The following COL4A1 variants were observed in gnomAD, a reference collection of about 807,000 sequenced individuals.
COL4A1 encodes collagen type IV alpha 1 chain.
A neutral mutation model predicts 216.6 loss-of-function variants in COL4A1; 40 were observed. That is an observed-to-expected ratio of 0.18 (90% CI 0.14 to 0.24). COL4A1 has a LOEUF of 0.24. Among genes scored for constraint, COL4A1 ranks in the 10% least tolerant of loss-of-function variants. The probability of loss-of-function intolerance (pLI) is 1.00; values close to 1 mark genes in which losing one functional copy is unlikely to be tolerated. For missense variants in COL4A1, 1,628 were observed against 2,196.8 expected (o/e 0.74, Z 5.18); for synonymous variants, 839 against 810.7 (o/e 1.03, Z -0.59).
At chr13:110,281,750 T>A (rs560403317) in intron 1 of COL4A1, among the ~76,000 whole-genome samples, 4 of 152,250 alleles carry the variant, frequency 2.6e-5, no homozygotes, top group Non-Finnish European at 5.9e-5. Context: ...CTTCTTCTAA[T>A]GGTATGGCCG....
At chr13:110,244,232 T>A (rs1310500817) in intron 1 of COL4A1, among the ~76,000 whole-genome samples, 8 of 152,182 alleles carry the variant, frequency 5.3e-5, no homozygotes. Context: ...AACAATCACA[T>A]CTGGAGATAT....
rs1484410323 is a variant in COL4A1, at chr13:110,223,073, T to C, written c.145-9058A>G. ...AATGATGGATATTTTCTGGATAGCA[T>C]TTTCACATCCATTTTATAAATTGGG... is the stretch of plus-strand genomic sequence containing the variant. On this transcript the variant is annotated intron_variant, in intron 2 of 51. Transcript: ENST00000375820. 2.6e-5 allele frequency among the ~76,000 whole-genome samples: 4 copies of C among 152,258 alleles called. No homozygotes were observed. In the East Asian group the frequency reaches 5.8e-4, roughly 22 times the overall value.
intron 21 of COL4A1, among the ~76,000 whole-genome samples, chr13:110,197,248 T>C (rs1449619612): frequency 1.5e-5 from 2 of 130,744 alleles, no homozygotes; most frequent in Admixed American, 1.7e-4. Context: ...CTCTCCTGCT[T>C]AAGTTTATCC....
At chr13:110,169,315 A>G (rs1877494118) in intron 43 of COL4A1, among the ~76,000 whole-genome samples, 1 of 152,168 alleles carries the variant, frequency 6.6e-6, no homozygotes, top group Non-Finnish European at 1.5e-5. Flanking sequence ...GAGTTTGTAA[A>G]TAGGTCTTAA....
chr13:110,228,036 A>G (rs1880825059), intron 2 of COL4A1, among the ~76,000 whole-genome samples: 1 of 152,160 alleles, frequency 6.6e-6, no homozygotes, highest in African/African-American at 2.4e-5. Context: ...CTCGCTGGGC[A>G]AGAGGTGCCC....
At chr13:110,250,622 A>T (rs1309854395) in intron 1 of COL4A1, among the ~76,000 whole-genome samples, 1 of 152,132 alleles carries the variant, frequency 6.6e-6, no homozygotes, top group African/African-American at 2.4e-5. Context: ...CTGCAAGCAG[A>T]TGTGAGTATG....
chr13:110,269,206 A>G lies in COL4A1; in HGVS notation c.85-26472T>C, dbSNP rs1883154072. On this transcript the variant is annotated intron_variant, in intron 1 of 51. Transcript: ENST00000375820. ...TACCTAGAAGAAAATCCATTTCCTGATGCCAGTAAAATAAGACTTTTCTAT... is the reference window on the plus strand; with the variant it reads ...TACCTAGAAGAAAATCCATTTCCTGGTGCCAGTAAAATAAGACTTTTCTAT... Among the ~76,000 whole-genome samples, 4 of 152,354 alleles carry G rather than the reference A, an allele frequency of 2.6e-5. No homozygotes were observed. The South Asian group carries it at 8.3e-4, about 32-fold the overall frequency.
rs12873154 is a variant in COL4A1, at chr13:110,268,505, A to G, written c.85-25771T>C. ...TCGAGTAAAAGAATGACAGTAGGAT[A>G]ACATTCACTGCTGTGCCAGAAAAAC... On this transcript the variant is annotated intron_variant, in intron 1 of 51. Coordinates refer to ENST00000375820, the MANE Select transcript of COL4A1 (RefSeq NM_001845.6). The surrounding 1 kb of genome is among the most constrained non-coding windows in gnomAD (Gnocchi z 4.1). 0.087 allele frequency among the ~76,000 whole-genome samples: 13,184 copies of G among 152,338 alleles called. 792 individuals are homozygous for G. The highest frequency in any genetic ancestry group is 0.13 in the Non-Finnish European group (8,762 of 68,026).
intron 25 of COL4A1, 47 bp downstream of exon 25, chr13:110,187,091 A>G (rs1433560825): frequency 6.2e-7 from 1 of 1,602,700 alleles, no homozygotes. Context: ...AATGCTTTGC[A>G]GATCCACACT....
At chr13:110,254,448 C>T (rs1303409936) in intron 1 of COL4A1, among the ~76,000 whole-genome samples, 1 of 152,158 alleles carries the variant, frequency 6.6e-6, no homozygotes. Context: ...GAAGACACAG[C>T]AGCGCCCATG....
intron 43 of COL4A1, 82 bp from the exon 44 acceptor site, chr13:110,167,312 A>C: frequency 1.9e-6 from 2 of 1,027,364 alleles, no homozygotes. Flanking sequence ...TGGAAAATGG[A>C]AACAGCCCCT....
intron 2 of COL4A1, among the ~76,000 whole-genome samples, chr13:110,229,791 A>ACCC (rs892318923): frequency 9.9e-5 from 15 of 152,148 alleles, no homozygotes; most frequent in African/African-American, 3.6e-4. Flanking sequence ...TGCTGAAACC[A>ACCC]CCCAGTCTGT....
intron 1 of COL4A1, among the ~76,000 whole-genome samples, chr13:110,257,867 C>T (rs1882648354): frequency 6.6e-6 from 1 of 152,076 alleles, no homozygotes; most frequent in Admixed American, 6.6e-5. Flanking sequence ...CCAAAGGAAC[C>T]TAAGAAGAAT....
intron 37 of COL4A1, 106 bp downstream of exon 37, chr13:110,175,112 T>C: frequency 2.1e-6 from 3 of 1,398,796 alleles, no homozygotes; most frequent in Admixed American, 1.7e-5. Flanking sequence ...GGACTCCCTG[T>C]GTGTTATGGC....
intron 50 of COL4A1, among the ~76,000 whole-genome samples, chr13:110,154,880 A>T (rs1483845473): frequency 6.6e-6 from 1 of 152,266 alleles, no homozygotes; most frequent in East Asian, 1.9e-4. Context: ...GAAGCTGGTC[A>T]TATGAAGAAG....
intron 4 of COL4A1, 31 bp from the exon 5 acceptor site, chr13:110,212,649 G>T (rs1879869950): frequency 2.5e-6 from 4 of 1,612,406 alleles, no homozygotes; most frequent in Non-Finnish European, 3.4e-6. Flanking sequence ...GCGTGTCAGT[G>T]AAGAGCCGGG....
Position 110,164,722 on chromosome 13 carries a change from G to A in COL4A1, c.4150+140C>T, listed in dbSNP as rs1479919146. The A allele has an allele frequency of 1.2e-5, 15 of 1,289,400 alleles. No homozygotes were observed. The Admixed American group carries it at 1.7e-4, about 15-fold the overall frequency. The allele number at this position is 1,289,400 out of a possible 1,614,324, so 79.9% of individuals were successfully genotyped here. Reference sequence around the variant, plus strand: ...GTCATAGGTTTTGATATGCATTGAAGGGAGGTAAGAAACTCATATTCATAT... The same window carrying A: ...GTCATAGGTTTTGATATGCATTGAAAGGAGGTAAGAAACTCATATTCATAT... On this transcript the variant is annotated intron_variant, in intron 46 of 51. Transcript: ENST00000375820.
At chr13:110,194,846 T>A (rs1878809859) in intron 22 of COL4A1, among the ~76,000 whole-genome samples, 177 bp downstream of exon 22, 1 of 152,104 alleles carries the variant, frequency 6.6e-6, no homozygotes, top group African/African-American at 2.4e-5. Context: ...ACCCAGATCA[T>A]CAACTAAGTT....
chr13:110,150,272 GGT>G lies in COL4A1; in HGVS notation c.*89_*90del. 8.3e-7 allele frequency: 1 copy of G among 1,209,180 alleles called. No individual in the cohort carries two copies. Among genetic ancestry groups the G allele is most frequent in the Non-Finnish European group, 1.2e-6 (1 of 838,734 alleles). The allele number at this position is 1,209,180 out of a possible 1,614,324, so 74.9% of individuals were successfully genotyped here. ...TTACGGTTTTCATATTGGACAGTGA[GGT>G]ACACAGGATATATTTCTAGGGTTCG... is the stretch of plus-strand genomic sequence containing the variant. On this transcript the variant is annotated 3_prime_UTR_variant, in exon 52 of 52. Transcript: ENST00000375820.
Sources: gnomAD v4.1 joint callset for allele counts (sites outside exome capture counted in the v4.1 genomes callset) on GRCh38, gnomAD v4.1.1 for gene constraint, Gnocchi (gnomAD v3.1) non-coding constraint, MANE v1.5 for transcripts, NCBI Gene and HGNC (gene_info 2026-07-23, HGNC 2026-07-21) for gene names.